Variants in COL19A1 observed in about 807,000 individuals in gnomAD.
COL19A1 encodes collagen type XIX alpha 1 chain.
In COL19A1, 159 loss-of-function variants were observed where a neutral mutation model predicts 190.2. That is an observed-to-expected ratio of 0.84 (90% confidence interval 0.73 to 0.95). The LOEUF is 0.95. COL19A1 is among the 40% of genes least tolerant of loss of function. The pLI is 0.00. For synonymous variants in COL19A1, 509 were observed against 458.9 expected, an observed-to-expected ratio of 1.11 and a Z score of -1.39; for missense variants, 1,418 against 1,431.9, an observed-to-expected ratio of 0.99 and a Z score of 0.16.
intron 4 of COL19A1, among the ~76,000 whole-genome samples, chr6:69,906,074 T>C (rs1012791349): frequency 4.6e-5 from 7 of 152,214 alleles, no homozygotes; most frequent in Non-Finnish European, 7.3e-5. Context: ...GGTAAAATAC[T>C]GAGTAAAAAC....
chr6:69,990,425 A>G (rs1241114689), intron 11 of COL19A1, among the ~76,000 whole-genome samples: 1 of 152,114 alleles, frequency 6.6e-6, no homozygotes, highest in East Asian at 1.9e-4. Flanking sequence ...TCATAAAATC[A>G]TAATTTTCGT....
At chr6:69,886,779 G>A (rs762241776) in intron 2 of COL19A1, among the ~76,000 whole-genome samples, 2 of 151,998 alleles carry the variant, frequency 1.3e-5, no homozygotes, top group Non-Finnish European at 2.9e-5. Context: ...ACTCAAAAGT[G>A]CTCTTTACTT....
chr6:70,055,352 T>C (rs1215746363), intron 14 of COL19A1, among the ~76,000 whole-genome samples: 1 of 151,942 alleles, frequency 6.6e-6, no homozygotes, highest in Non-Finnish European at 1.5e-5. Context: ...TTTATAAAAT[T>C]ACACATGTAC....
intron 14 of COL19A1, among the ~76,000 whole-genome samples, chr6:70,037,473 A>T (rs7763419): frequency 1.1e-4 from 16 of 148,342 alleles, no homozygotes; most frequent in Non-Finnish European, 2.1e-4. Flanking sequence ...TTGTAGAATT[A>T]AAAAAAAAAA....
chr6:70,074,811 A>C (rs1186482806), intron 15 of COL19A1, among the ~76,000 whole-genome samples: 2 of 147,316 alleles, frequency 1.4e-5, no homozygotes, highest in African/African-American at 5.4e-5. Context: ...AATGACCTTT[A>C]AAATGCACGA....
intron 11 of COL19A1, among the ~76,000 whole-genome samples, chr6:70,020,008 G>T (rs1366797703): frequency 6.6e-6 from 1 of 151,884 alleles, no homozygotes; most frequent in Non-Finnish European, 1.5e-5. Flanking sequence ...AACTCCTATT[G>T]CTTTTCTTTC....
At chr6:70,082,494 C>T (rs543197329) in intron 15 of COL19A1, among the ~76,000 whole-genome samples, 94 of 152,144 alleles carry the variant, frequency 6.2e-4, no homozygotes, top group African/African-American at 2.2e-3. Context: ...CTCACTGCAA[C>T]CTCCACCTCC....
intron 2 of COL19A1, among the ~76,000 whole-genome samples, chr6:69,888,654 G>T (rs150891697): frequency 6.6e-6 from 1 of 151,976 alleles, no homozygotes; most frequent in African/African-American, 2.4e-5. Flanking sequence ...TTAGCCGGGC[G>T]TGGTGGCTTG....
chr6:70,172,338 C>G (rs917598401), intron 41 of COL19A1, among the ~76,000 whole-genome samples: 1 of 152,084 alleles, frequency 6.6e-6, no homozygotes, highest in African/African-American at 2.4e-5. Context: ...AGCCAAGTCC[C>G]CTCCAGTCTG....
At chr6:69,874,567 C>T (rs549360608) in intron 1 of COL19A1, among the ~76,000 whole-genome samples, 28 of 152,082 alleles carry the variant, frequency 1.8e-4, no homozygotes, top group Admixed American at 7.9e-4. Flanking sequence ...CTAGCTAACA[C>T]GGTGAAACCC....
chr6:70,182,251 ACTAAT>A (rs1766221208), intron 44 of COL19A1, among the ~76,000 whole-genome samples: 1 of 152,210 alleles, frequency 6.6e-6, no homozygotes, highest in African/African-American at 2.4e-5. Context: ...TTGCTGATGG[ACTAAT>A]CTAGAGAAGT....
chr6:70,144,828 T>G (rs776245415), intron 24 of COL19A1, 90 bp from the exon 25 acceptor site: 2 of 793,712 alleles, frequency 2.5e-6, no homozygotes, highest in Admixed American at 5.2e-5. Context: ...CTGGCTATGA[T>G]GACAACTTAA....
intron 42 of COL19A1, 90 bp from the exon 43 acceptor site, chr6:70,180,222 T>C: frequency 6.8e-7 from 1 of 1,472,794 alleles, no homozygotes; most frequent in East Asian, 2.3e-5. Context: ...TTGGGAGCAC[T>C]ATAAACTCAA....
chr6:69,949,848 T>C (rs1443700478), intron 9 of COL19A1, among the ~76,000 whole-genome samples: 2 of 151,850 alleles, frequency 1.3e-5, no homozygotes, highest in Non-Finnish European at 2.9e-5. Context: ...AAAAAATAAA[T>C]AACTAGGTTG....
intron 11 of COL19A1, among the ~76,000 whole-genome samples, chr6:69,971,215 ATTATT>A (rs1276300833): frequency 3.9e-5 from 6 of 152,232 alleles, no homozygotes; most frequent in Non-Finnish European, 8.8e-5. Context: ...CTTTTAAAGT[ATTATT>A]TTAATGATTG....
At position 69,998,215 on chromosome 6, in the gene COL19A1, T is replaced by G. The variant is rs1777037069; in HGVS notation, c.1027-25412T>G. 4.6e-5 allele frequency among the ~76,000 whole-genome samples: 7 copies of G among 152,228 alleles called. No individual in the cohort carries two copies. In the South Asian group the frequency reaches 1.4e-3, roughly 32 times the overall value. ...GCTAGCATAAATGAACTATAAGAGT[T>G]GCTAAAGAAGTCCCACATGCAAATA... On this transcript the variant is annotated intron_variant, in intron 11 of 50. Transcript: ENST00000620364.
rs905032520 is a variant in COL19A1 at position 70,211,068 on chromosome 6, G to T, written c.*3794G>T. Among the ~76,000 whole-genome samples, 2 of 151,888 alleles carry T rather than the reference G, an allele frequency of 1.3e-5. No homozygotes were observed. The highest frequency in any genetic ancestry group is 2.9e-5 in the Non-Finnish European group (2 of 67,914). ...GATACTCTCAACAGACAAGAAAAAAGATTTAGCTTATCACAAGAAGCAGAC... is the reference window on the plus strand; with the variant it reads ...GATACTCTCAACAGACAAGAAAAAATATTTAGCTTATCACAAGAAGCAGAC... On this transcript the variant is annotated 3_prime_UTR_variant, in exon 51 of 51. Transcript: ENST00000620364.
intron 14 of COL19A1, among the ~76,000 whole-genome samples, chr6:70,063,770 T>C (rs370222461): frequency 6.6e-6 from 1 of 151,688 alleles, no homozygotes; most frequent in African/African-American, 2.4e-5. Context: ...ATCAAATAGA[T>C]GCAATAAAAA....
intron 10 of COL19A1, among the ~76,000 whole-genome samples, chr6:69,961,293 A>G (rs764236569): frequency 2.0e-5 from 3 of 152,226 alleles, no homozygotes; most frequent in Admixed American, 6.5e-5. Flanking sequence ...ACTTGGCCCA[A>G]TAAAGATAAT....
Sources: gnomAD v4.1 joint callset for allele counts (sites outside exome capture counted in the v4.1 genomes callset) on GRCh38, gnomAD v4.1.1 for gene constraint, MANE v1.5 for transcripts, NCBI Gene and HGNC (gene_info 2026-07-23, HGNC 2026-07-21) for gene names.